DIPK1A: variants seen among roughly 807,000 people sequenced by gnomAD.
DIPK1A encodes divergent protein kinase domain 1A, also known as family with sequence similarity 69 member A.
Under a neutral mutation model 40.8 loss-of-function variants are expected in DIPK1A, and 27 were observed. The observed-to-expected ratio is 0.66, with a 90% confidence interval of 0.49 to 0.91. The LOEUF (loss-of-function observed/expected upper bound fraction) is 0.91, where lower values mean the gene tolerates loss of function less well. Among genes scored for constraint, DIPK1A ranks in the 40% least tolerant of loss-of-function variants. The pLI, the probability that DIPK1A is intolerant of heterozygous loss-of-function variation, is 0.00. For synonymous variants in DIPK1A, 166 were observed against 171.3 expected (o/e 0.97, Z 0.24); for missense variants, 412 against 505.7 (o/e 0.81, Z 1.78).
rs542645972 is a variant in DIPK1A at position 92,843,073 on chromosome 1, ATCAC to A, written c.*306_*309del. The A allele has an allele frequency of 3.2e-3, 3,366 of 1,036,998 alleles. 9 individuals carry two copies. The highest frequency in any genetic ancestry group is 0.016 in the Middle Eastern group (34 of 2,126). 64.2% of individuals were successfully genotyped at this position (1,036,998 alleles called of 1,614,324 possible). On this transcript the variant is annotated 3_prime_UTR_variant, in exon 5 of 5. Transcript: ENST00000370310. ...TATTTTGGCTAAGGTAAATCTACAA[ATCAC>A]TCACTGTTGATGTTTATGGAATGAA... is the stretch of plus-strand genomic sequence containing the variant.
intron 1 of DIPK1A, among the ~76,000 whole-genome samples, chr1:92,882,838 A>G (rs1313110746): frequency 6.6e-6 from 1 of 152,222 alleles, no homozygotes; most frequent in African/African-American, 2.4e-5. Flanking sequence ...TGTATCCCAC[A>G]TATTATATAC....
rs369420994 is a variant in DIPK1A, at chr1:92,884,338, A to T, written c.55-7908T>A. ...TGTGATGGCACGTGCCTGTGATCCC[A>T]GCTACACAGGAGGCTGAGGTAGGAG... On this transcript the variant is annotated intron_variant, in intron 1 of 4. Transcript: ENST00000370310. Among the ~76,000 whole-genome samples the T allele has an allele frequency of 1.2e-4, 18 of 152,268 alleles. 1 individual carries two copies. The South Asian group carries it at 3.7e-3, about 32-fold the overall frequency.
At chr1:92,897,453 C>T (rs192404208) in intron 1 of DIPK1A, among the ~76,000 whole-genome samples, 2 of 150,646 alleles carry the variant, frequency 1.3e-5, no homozygotes, top group African/African-American at 4.9e-5. Context: ...GGGAATTGAA[C>T]AATGAGAACA....
At chr1:92,929,062 A>T (rs1650639437) in intron 1 of DIPK1A, among the ~76,000 whole-genome samples, 1 of 152,256 alleles carries the variant, frequency 6.6e-6, no homozygotes, top group Admixed American at 6.5e-5. Flanking sequence ...GTCCTCAAGC[A>T]TATTTATAAT....
chr1:92,837,270 T>A (rs1482806291), downstream of DIPK1A: 1 of 771,378 alleles, frequency 1.3e-6, no homozygotes, highest in African/African-American at 1.7e-5. Flanking sequence ...TTTTCTGTCC[T>A]GGAATTCAGA....
Position 92,870,189 on chromosome 1 carries a change from C to A in DIPK1A, c.189+6107G>T, listed in dbSNP as rs536269055. Among the ~76,000 whole-genome samples the A allele has an allele frequency of 2.6e-5, 4 of 152,080 alleles. No homozygotes were observed. In the East Asian group the frequency reaches 7.7e-4, roughly 29 times the overall value. ...TGGCTTCATATTGTTTTACTTTCAA[C>A]ATCTTCATATATTTCAGATGTCTCT... On this transcript the variant is annotated intron_variant, in intron 2 of 4. Coordinates refer to ENST00000370310, the MANE Select transcript of DIPK1A (RefSeq NM_001006605.5).
chr1:92,834,192 C>T (rs1363814433), intron 4 of DIPK1A, among the ~76,000 whole-genome samples: 5 of 152,178 alleles, frequency 3.3e-5, no homozygotes, highest in Admixed American at 2.0e-4. Context: ...CTGATTTTTC[C>T]TATATGGCCT....
chr1:92,869,920 T>C (rs1009631997), intron 2 of DIPK1A, among the ~76,000 whole-genome samples: 1 of 152,080 alleles, frequency 6.6e-6, no homozygotes, highest in Non-Finnish European at 1.5e-5. Flanking sequence ...ATTGCCATAA[T>C]TCATGAAATG....
intron 3 of DIPK1A, 94 bp from the exon 4 acceptor site, chr1:92,847,453 A>T: frequency 1.5e-6 from 1 of 679,904 alleles, no homozygotes; most frequent in African/African-American, 1.9e-5. Flanking sequence ...TCCTCTGAAC[A>T]AAACAAAACA....
intron 4 of DIPK1A, chr1:92,835,015 C>T (rs1687062634): frequency 6.6e-7 from 1 of 1,520,196 alleles, no homozygotes; most frequent in African/African-American, 1.4e-5. Flanking sequence ...AGTTGTGCTT[C>T]AGGAGAGTGC....
At chr1:92,944,964 C>T (rs181203985) in intron 1 of DIPK1A, among the ~76,000 whole-genome samples, 26 of 152,072 alleles carry the variant, frequency 1.7e-4, no homozygotes, top group African/African-American at 6.3e-4. Flanking sequence ...TGAAAGCACT[C>T]GAAAAGTTTA....
chr1:92,904,478 T>C (rs1356524891), intron 1 of DIPK1A, among the ~76,000 whole-genome samples: 1 of 152,294 alleles, frequency 6.6e-6, no homozygotes, highest in East Asian at 1.9e-4. Flanking sequence ...ATACACAGCA[T>C]ATACCTATAA....
intron 1 of DIPK1A, among the ~76,000 whole-genome samples, chr1:92,879,586 C>T (rs901284032): frequency 6.6e-6 from 1 of 152,194 alleles, no homozygotes; most frequent in African/African-American, 2.4e-5. Flanking sequence ...GAGTGAGACA[C>T]CTTTTTCTTT....
At chr1:92,846,650 A>G in intron 4 of DIPK1A, 2 of 399,364 alleles carry the variant, frequency 5.0e-6, no homozygotes, top group South Asian at 1.8e-5. Context: ...TTTTTTTGAA[A>G]CAGGGTCTCA....
chr1:92,842,937 AG>A lies in DIPK1A; in HGVS notation c.*445del, dbSNP rs747812914. 39 of 989,000 alleles carry A rather than the reference AG, an allele frequency of 3.9e-5. No homozygotes were observed. Among genetic ancestry groups the A allele is most frequent in the Non-Finnish European group, 4.6e-5 (38 of 832,382 alleles). The allele number at this position is 989,000 out of a possible 1,614,324, so 61.3% of individuals were successfully genotyped here. A position where few individuals can be genotyped will look rare whatever the true frequency, so the allele number is the denominator to read the frequency against. ...AAGAAGCAAGTTTAACCTGCTTTGCAGTCTTAATTTCTGTTAATGTGCAAAC... is the reference window on the plus strand; with the variant it reads ...AAGAAGCAAGTTTAACCTGCTTTGCATCTTAATTTCTGTTAATGTGCAAAC... On this transcript the variant is annotated 3_prime_UTR_variant, in exon 5 of 5. Transcript: ENST00000370310.
intron 1 of DIPK1A, chr1:92,933,924 T>G (rs1650852630): frequency 6.6e-6 from 1 of 152,154 alleles, no homozygotes; most frequent in Non-Finnish European, 1.5e-5. Flanking sequence ...CTTTTAAAGG[T>G]AATACTGAGG....
intron 4 of DIPK1A, among the ~76,000 whole-genome samples, chr1:92,844,940 CTTTTTTTTT>C (rs71094206): frequency 3.2e-5 from 3 of 94,080 alleles, no homozygotes; most frequent in East Asian, 3.1e-4. Context: ...ATTAGTATTT[CTTTTTTTTT>C]TTTTTTTTTT....
chr1:92,842,372 TA>T lies in DIPK1A; in HGVS notation c.*1010del, dbSNP rs1687402488. 1.0e-6 allele frequency: 1 copy of T among 984,778 alleles called. No homozygotes were observed. The highest frequency in any genetic ancestry group is 1.2e-6 in the Non-Finnish European group (1 of 829,414). The allele number at this position is 984,778 out of a possible 1,614,324, so 61.0% of individuals were successfully genotyped here. A position where few individuals can be genotyped will look rare whatever the true frequency, so the allele number is the denominator to read the frequency against. ...GTGGTTCTTTTCTCCAAAAGGTGTT[TA>T]ATTTTATGGAGATGTTGAAAGGTAC... is the stretch of plus-strand genomic sequence containing the variant. On this transcript the variant is annotated 3_prime_UTR_variant, in exon 5 of 5. Coordinates refer to ENST00000370310, the MANE Select transcript of DIPK1A (RefSeq NM_001006605.5).
rs180871372 is a variant in DIPK1A, at chr1:92,927,035, C to T, written c.54+34341G>A. Among the ~76,000 whole-genome samples, 6 of 152,116 alleles carry T rather than the reference C, an allele frequency of 3.9e-5. No homozygotes were observed. The East Asian group carries it at 9.7e-4, about 24-fold the overall frequency. On this transcript the variant is annotated intron_variant, in intron 1 of 4. Coordinates refer to ENST00000370310, the MANE Select transcript of DIPK1A (RefSeq NM_001006605.5). ...GGCCATTTTAGTGTTTTGCATTTGT[C>T]TCATCTGTTTGCTGTTTCTCTGTTC...
Sources: allele counts gnomAD v4.1 joint callset (sites outside exome capture counted in the v4.1 genomes callset), GRCh38; gene constraint gnomAD v4.1.1; transcripts MANE v1.5; gene names NCBI Gene and HGNC (gene_info 2026-07-23, HGNC 2026-07-21).